DOCK4: variants seen among roughly 807,000 people sequenced by gnomAD.
DOCK4 encodes dedicator of cytokinesis 4.
A neutral mutation model predicts 268.1 loss-of-function variants in DOCK4; 97 were observed. That is an observed-to-expected ratio of 0.36 (90% CI 0.31 to 0.43). DOCK4 has a LOEUF of 0.43. Ranked by LOEUF, DOCK4 falls within the 20% of genes least tolerant of loss-of-function variation. The pLI is 1.00. For missense variants in DOCK4, 2,145 were observed against 2,455.7 expected (o/e 0.87, Z 2.67); for synonymous variants, 954 against 887.2 (o/e 1.08, Z -1.34).
At chr7:111,857,034 A>C (rs771060845) in intron 23 of DOCK4, among the ~76,000 whole-genome samples, 24 of 152,212 alleles carry the variant, frequency 1.6e-4, no homozygotes, top group Non-Finnish European at 2.9e-4. Context: ...AGTTCTAAAC[A>C]AATGTCATTT....
At chr7:112,179,464 C>T (rs1355347699) in intron 1 of DOCK4, among the ~76,000 whole-genome samples, 2 of 150,610 alleles carry the variant, frequency 1.3e-5, no homozygotes, top group Admixed American at 1.3e-4. Context: ...ACAATGTTAA[C>T]ATATCATTAT....
At chr7:111,999,806 T>C (rs1322344961) in intron 3 of DOCK4, among the ~76,000 whole-genome samples, 7 of 151,042 alleles carry the variant, frequency 4.6e-5, no homozygotes, top group Non-Finnish European at 7.4e-5. Flanking sequence ...TATATGAAAA[T>C]ATTAGAGAAT....
Position 112,077,456 on chromosome 7 carries a change from G to A in DOCK4, c.38-73325C>T, listed in dbSNP as rs1482378714. On this transcript the variant is annotated intron_variant, in intron 1 of 52. Coordinates refer to ENST00000428084, the MANE Select transcript of DOCK4 (RefSeq NM_001363540.2). Reference sequence around the variant, plus strand: ...ATTTTAAATATTTATAGAAACTAACGTCTTTTAAAGATATATTATTTATAA... The same window carrying A: ...ATTTTAAATATTTATAGAAACTAACATCTTTTAAAGATATATTATTTATAA... 6.6e-5 allele frequency among the ~76,000 whole-genome samples: 10 copies of A among 151,942 alleles called. No individual in the cohort carries two copies. The East Asian group carries it at 9.7e-4, about 15-fold the overall frequency.
intron 42 of DOCK4, 73 bp from the exon 43 acceptor site, chr7:111,747,516 T>C: frequency 3.5e-6 from 5 of 1,412,848 alleles, no homozygotes; most frequent in Non-Finnish European, 4.8e-6. Flanking sequence ...AGTTTATCCA[T>C]GTTCTGAATT....
chr7:111,980,993 G>A (rs432130), intron 7 of DOCK4, among the ~76,000 whole-genome samples: 6,734 of 152,292 alleles, frequency 0.044, 208 homozygotes, highest in Non-Finnish European at 0.072. Context: ...GTGCGGTTTA[G>A]CACTTTTACT....
intron 4 of DOCK4, among the ~76,000 whole-genome samples, chr7:111,995,362 C>T (rs1288755043): frequency 6.6e-6 from 1 of 151,206 alleles, no homozygotes; most frequent in Non-Finnish European, 1.5e-5. Flanking sequence ...TGTATCCTAC[C>T]TTTGGCATAT....
At chr7:112,169,463 G>A (rs532700586) in intron 1 of DOCK4, among the ~76,000 whole-genome samples, 1 of 152,132 alleles carries the variant, frequency 6.6e-6, no homozygotes, top group Non-Finnish European at 1.5e-5. Context: ...TTATCTGAGG[G>A]ATAAAATTGA....
At chr7:112,055,351 C>T (rs1002383079) in intron 1 of DOCK4, among the ~76,000 whole-genome samples, 8 of 152,166 alleles carry the variant, frequency 5.3e-5, no homozygotes, top group Admixed American at 1.3e-4. Context: ...ACAGGGTGCA[C>T]TCGCATACCC....
rs1447406398 is a variant in DOCK4, at chr7:111,741,186, A to G, written c.4948T>C (p.Tyr1650His). 2.5e-6 allele frequency: 4 copies of G among 1,613,964 alleles called. No individual in the cohort carries two copies. In the South Asian group the frequency reaches 3.3e-5, roughly 13 times the overall value. The change falls in exon 47 of 53, where the codon TAT becomes CAT. Residue 1650 changes from tyrosine (Y) to histidine (H), a missense_variant. Transcript: ENST00000428084. ...SPLSYPAVNR[Y>H]SSSSLSSQAS... ...TGTGAGGACAGTGAGGAGGAAGAAT[A>G]TCGGTTGACAGCTGGGTAACTTAAC... is the stretch of plus-strand genomic sequence containing the variant.
chr7:112,182,472 C>T (rs1819141240), intron 1 of DOCK4, among the ~76,000 whole-genome samples: 1 of 152,108 alleles, frequency 6.6e-6, no homozygotes, highest in Non-Finnish European at 1.5e-5. Flanking sequence ...ATTGCATTGG[C>T]TAATGATCGA....
intron 4 of DOCK4, among the ~76,000 whole-genome samples, chr7:111,996,836 T>C (rs1053646718): frequency 2.0e-5 from 3 of 152,320 alleles, no homozygotes; most frequent in Non-Finnish European, 2.9e-5. Flanking sequence ...AAAAACCATA[T>C]CCTACCCCAA....
intron 12 of DOCK4, among the ~76,000 whole-genome samples, chr7:111,916,980 GTTT>G (rs749349556): frequency 4.8e-5 from 4 of 83,994 alleles, no homozygotes; most frequent in East Asian, 4.7e-4. Flanking sequence ...TTTCCCCCAT[GTTT>G]TTTTTTTTTT....
intron 1 of DOCK4, among the ~76,000 whole-genome samples, chr7:112,007,318 GGAATGAATGAATGAATGAAT>G (rs72228459): frequency 6.6e-6 from 1 of 151,740 alleles, no homozygotes; most frequent in Non-Finnish European, 1.5e-5. Flanking sequence ...ACAAATACAT[GGAATGAATGAATGAATGAAT>G]GAATGAATGA....
intron 13 of DOCK4, among the ~76,000 whole-genome samples, chr7:111,903,158 A>T (rs1288619482): frequency 6.6e-6 from 1 of 152,202 alleles, no homozygotes; most frequent in Admixed American, 6.5e-5. Flanking sequence ...AATACCATGG[A>T]CCATGGGAGA....
At chr7:112,127,762 G>A (rs992402565) in intron 1 of DOCK4, among the ~76,000 whole-genome samples, 7 of 152,190 alleles carry the variant, frequency 4.6e-5, no homozygotes, top group South Asian at 2.1e-4. Flanking sequence ...TGGGTGCGGC[G>A]GCTAGCACCT....
intron 1 of DOCK4, among the ~76,000 whole-genome samples, chr7:112,057,824 C>T (rs935826982): frequency 1.3e-5 from 2 of 151,600 alleles, no homozygotes; most frequent in African/African-American, 2.4e-5. Context: ...TTTAATCACA[C>T]TGCTCTCACT....
intron 36 of DOCK4, 123 bp from the exon 37 acceptor site, chr7:111,769,800 G>T (rs2133675249): frequency 4.3e-6 from 5 of 1,172,098 alleles, no homozygotes; most frequent in Middle Eastern, 2.0e-4. Flanking sequence ...TGATATAGCA[G>T]AAAAATATCC....
chr7:112,085,467 C>T (rs1808990637), intron 1 of DOCK4, among the ~76,000 whole-genome samples: 1 of 152,070 alleles, frequency 6.6e-6, no homozygotes, highest in Admixed American at 6.6e-5. Context: ...TGATTCATTA[C>T]TGCCGGTTGC....
intron 39 of DOCK4, among the ~76,000 whole-genome samples, chr7:111,764,070 A>G (rs1448460300): frequency 6.6e-6 from 1 of 152,136 alleles, no homozygotes; most frequent in Non-Finnish European, 1.5e-5. Flanking sequence ...ACCGCCCACT[A>G]CACTGTGTGG....
Sources: allele counts gnomAD v4.1 joint callset (sites outside exome capture counted in the v4.1 genomes callset), GRCh38; gene constraint gnomAD v4.1.1; transcripts MANE v1.5; gene names NCBI Gene and HGNC (gene_info 2026-07-23, HGNC 2026-07-21).